The following TXNL4B variants were observed in gnomAD, a reference collection of about 807,000 sequenced individuals.
TXNL4B encodes the protein thioredoxin-like protein 4B.
In TXNL4B, 12 loss-of-function variants were observed where a neutral mutation model predicts 13.0. The ratio of observed to expected loss-of-function variants is 0.92; its 90% CI spans 0.59 to 1.49. The LOEUF (loss-of-function observed/expected upper bound fraction) is 1.49, where lower values mean the gene tolerates loss of function less well. Among genes scored for constraint, TXNL4B ranks in the 40% most tolerant of loss-of-function variants. The pLI is 0.00. For missense variants in TXNL4B, 214 were observed against 173.6 expected (o/e 1.23, Z -1.31); for synonymous variants, 59 against 58.9 (o/e 1.00, Z -0.01).
At chr16:72,088,892 C>T (rs1365447933) in intron 3 of TXNL4B, 95 bp downstream of exon 3, 2 of 959,370 alleles carry the variant, frequency 2.1e-6, no homozygotes, top group Admixed American at 2.2e-5. Context: ...ATAAGACTCA[C>T]AGAGCCAACA....
intron 2 of TXNL4B, 114 bp from the exon 3 acceptor site, chr16:72,089,252 A>G: frequency 1.2e-6 from 1 of 829,328 alleles, no homozygotes; most frequent in Non-Finnish European, 1.9e-6. Flanking sequence ...TGGGCCAACA[A>G]TGCAGCCCAT....
rs1276885746 is a variant in TXNL4B, at chr16:72,086,619, T to C, written c.*18A>G. 1.9e-6 allele frequency: 3 copies of C among 1,602,394 alleles called. No individual in the cohort carries two copies. The highest frequency in any genetic ancestry group is 1.7e-6 in the Non-Finnish European group (2 of 1,170,612). On this transcript the variant is annotated 3_prime_UTR_variant, in exon 4 of 4. Transcript: ENST00000268483. ...TCAAGATGTGCCTTCTTCTTCATCT[T>C]TGACAGCAATTAATGTACTAAATGT...
chr16:72,092,704 G>A (rs943627397), intron 1 of TXNL4B, among the ~76,000 whole-genome samples: 5 of 152,198 alleles, frequency 3.3e-5, no homozygotes, highest in Non-Finnish European at 1.5e-5. Flanking sequence ...ACAAACGTTG[G>A]AAGCAGGAGA....
At chr16:72,088,239 C>T (rs1411612915) in intron 3 of TXNL4B, among the ~76,000 whole-genome samples, 1 of 152,252 alleles carries the variant, frequency 6.6e-6, no homozygotes, top group African/African-American at 2.4e-5. Context: ...GCTGGGATTA[C>T]AGGCGTGAGC....
At chr16:72,090,076 G>A (rs967261772) in intron 2 of TXNL4B, 1 of 455,850 alleles carries the variant, frequency 2.2e-6, no homozygotes, top group African/African-American at 2.0e-5. Context: ...GGATTTGTAC[G>A]CTCAGCTCTT....
chr16:72,089,868 A>C (rs1248828429), intron 2 of TXNL4B, among the ~76,000 whole-genome samples: 1 of 152,336 alleles, frequency 6.6e-6, no homozygotes, highest in Non-Finnish European at 1.5e-5. Context: ...ACTGAGGCAC[A>C]GGAAGGTAAA....
chr16:72,092,469 T>C (rs979349440), intron 1 of TXNL4B, among the ~76,000 whole-genome samples: 2 of 151,334 alleles, frequency 1.3e-5, no homozygotes, highest in Non-Finnish European at 2.9e-5. Flanking sequence ...GGAAATAAGA[T>C]TGTTCCAGCT....
chr16:72,088,199 A>T (rs553772676), intron 3 of TXNL4B, among the ~76,000 whole-genome samples: 1 of 152,064 alleles, frequency 6.6e-6, no homozygotes, highest in Admixed American at 6.5e-5. Flanking sequence ...CCTGACCTCA[A>T]ATGATCCGCC....
chr16:72,091,661 T>C (rs2041906700), intron 1 of TXNL4B, among the ~76,000 whole-genome samples: 1 of 152,272 alleles, frequency 6.6e-6, no homozygotes, highest in Non-Finnish European at 1.5e-5. Flanking sequence ...TTACACTTTT[T>C]AAACAGTCCT....
In TXNL4B at chr16:72,089,149, C is replaced by T. The variant is rs761286596; in HGVS notation, c.133-11G>A. ...AGAGGTCTTAGAAAGCTGCAAATGACGAGAGAGACAAAGGTTACAATATGA... is the reference window on the plus strand; with the variant it reads ...AGAGGTCTTAGAAAGCTGCAAATGATGAGAGAGACAAAGGTTACAATATGA... On this transcript the variant is annotated splice_polypyrimidine_tract_variant and intron_variant, in intron 2 of 3. Coordinates refer to ENST00000268483, the MANE Select transcript of TXNL4B (RefSeq NM_017853.3). 49 of 1,601,738 alleles carry T rather than the reference C, an allele frequency of 3.1e-5. No homozygotes were observed. The highest frequency in any genetic ancestry group is 5.6e-5 in the South Asian group (5 of 89,726).
intron 2 of TXNL4B, 66 bp downstream of exon 2, chr16:72,090,550 TAC>T: frequency 1.3e-6 from 2 of 1,531,716 alleles, no homozygotes; most frequent in African/African-American, 2.7e-5. Context: ...TCTCATGTAC[TAC>T]TCAGATGCTG....
At chr16:72,090,511 C>A (rs2041889227) in intron 2 of TXNL4B, 107 bp downstream of exon 2, 4 of 1,137,226 alleles carry the variant, frequency 3.5e-6, no homozygotes, top group Middle Eastern at 2.2e-4. Context: ...AACAAATGAA[C>A]AGCTATATAC....
Position 72,092,930 on chromosome 16 carries a change from G to T in TXNL4B, c.-38+437C>A, listed in dbSNP as rs532505567. Among the ~76,000 whole-genome samples, 20 of 152,294 alleles carry T rather than the reference G, an allele frequency of 1.3e-4. No homozygotes were observed. In the South Asian group the frequency reaches 4.1e-3, roughly 32 times the overall value. On this transcript the variant is annotated intron_variant, in intron 1 of 3. Coordinates refer to ENST00000268483, the MANE Select transcript of TXNL4B (RefSeq NM_017853.3). ...GGGGCAGGCACAGGGAGTTCCTGCT[G>T]GAATGCAGACACAAAACCTTTCTGG...
At position 72,086,328 on chromosome 16, in the gene TXNL4B, T is replaced by C. The variant is rs1597426837; in HGVS notation, c.*309A>G. On this transcript the variant is annotated 3_prime_UTR_variant, in exon 4 of 4. Coordinates refer to ENST00000268483, the MANE Select transcript of TXNL4B (RefSeq NM_017853.3). ...GAAATCAAGTTGTACTAGCCAATGTTTGGGAGGGTTCTGTATTAAAGGGAT... is the reference window on the plus strand; with the variant it reads ...GAAATCAAGTTGTACTAGCCAATGTCTGGGAGGGTTCTGTATTAAAGGGAT... 9.7e-6 allele frequency: 2 copies of C among 205,302 alleles called. No homozygotes were observed. The highest frequency in any genetic ancestry group is 1.3e-4 in the South Asian group (1 of 7,638). The allele number at this position is 205,302 out of a possible 1,614,324, so 12.7% of individuals were successfully genotyped here.
chr16:72,093,028 G>C (rs2041938794), intron 1 of TXNL4B, among the ~76,000 whole-genome samples: 1 of 152,026 alleles, frequency 6.6e-6, no homozygotes, highest in Non-Finnish European at 1.5e-5. Flanking sequence ...CTGAGGCGGG[G>C]TTTCGCTATG....
chr16:72,087,210 T>C (rs897552523), intron 3 of TXNL4B: 4 of 155,156 alleles, frequency 2.6e-5, no homozygotes, highest in East Asian at 1.9e-4. Context: ...TATTAAAAAA[T>C]TGATTTTTTA....
In TXNL4B at chr16:72,086,763, G is replaced by A; in HGVS notation, c.324C>T (p.Thr108=). 2 of 1,612,940 alleles carry A rather than the reference G, an allele frequency of 1.2e-6. No homozygotes were observed. The highest frequency in any genetic ancestry group is 1.7e-6 in the Non-Finnish European group (2 of 1,179,114). ...DHTKFVGSFK[T]KQDFIDLIEV... is the part of the protein sequence containing the mutation. Reference sequence around the variant, plus strand: ...CAATCAAATCTATGAAGTCTTGTTTGGTTTTGAAGCTTCCCACAAACTTAG... The same window carrying A: ...CAATCAAATCTATGAAGTCTTGTTTAGTTTTGAAGCTTCCCACAAACTTAG... Residue 108 remains threonine (T), a synonymous_variant, in exon 4 of 4, where the codon ACC becomes ACT. Coordinates refer to ENST00000268483, the MANE Select transcript of TXNL4B (RefSeq NM_017853.3).
In TXNL4B at chr16:72,089,048, T is replaced by C. The variant is rs868061954; in HGVS notation, c.223A>G (p.Ile75Val). The change falls in exon 3 of 4, where the codon ATC becomes GTC. Residue 75 changes from isoleucine to valine, a missense_variant. Transcript: ENST00000268483. ...AAGACAGTAGATGGAATATAACTGA[T>C]GTCAAAATACTGTGTATAAACTGCA... ...QTAVYTQYFD[I>V]SYIPSTVFFF... 3.1e-6 allele frequency: 5 copies of C among 1,611,772 alleles called. 1 individual carries two copies. In the Middle Eastern group the frequency reaches 5.0e-4, roughly 160 times the overall value.
Position 72,090,745 on chromosome 16 carries a change from C to G in TXNL4B, c.5G>C (p.Ser2Thr), listed in dbSNP as rs1294278646. 1 of 1,614,006 alleles carries G rather than the reference C, an allele frequency of 6.2e-7. No individual in the cohort carries two copies. The highest frequency in any genetic ancestry group is 8.5e-7 in the Non-Finnish European group (1 of 1,180,004). Residue 2 changes from serine (S) to threonine (T), a missense_variant, in exon 2 of 4, where the codon AGC becomes ACC. Transcript: ENST00000268483. M[S>T]FLLPKLTSKK... ...GCTAGTCAGCTTGGGCAGTAGGAAG[C>G]TCATCTTGAAATAACCCAAATGTGA...
Sources: gnomAD v4.1 joint callset for allele counts (sites outside exome capture counted in the v4.1 genomes callset) on GRCh38, gnomAD v4.1.1 for gene constraint, MANE v1.5 for transcripts, NCBI Gene and HGNC (gene_info 2026-07-23, HGNC 2026-07-21) for gene names.